Variants in KCTD8 observed in about 807,000 individuals in gnomAD.
KCTD8 encodes BTB/POZ domain-containing protein KCTD8.
KCTD8 carries 27 observed loss-of-function variants against 31.5 expected under a neutral mutation model. That is an observed-to-expected ratio of 0.86 (90% CI 0.63 to 1.18). The LOEUF (loss-of-function observed/expected upper bound fraction) is 1.18, where lower values mean the gene tolerates loss of function less well. Ranked by LOEUF, KCTD8 falls within the 50% of genes most tolerant of loss-of-function variation. The pLI, the probability that KCTD8 is intolerant of heterozygous loss-of-function variation, is 0.00. For missense variants in KCTD8, 658 were observed against 647.7 expected (o/e 1.02, Z -0.17); for synonymous variants, 290 against 280.0 (o/e 1.04, Z -0.36).
chr4:44,361,037 T>G (rs1441741015), intron 1 of KCTD8, among the ~76,000 whole-genome samples: 1 of 152,060 alleles, frequency 6.6e-6, no homozygotes, highest in African/African-American at 2.4e-5. Context: ...TATGCCATTA[T>G]GTTCACCTAA....
chr4:44,215,783 A>C lies in KCTD8; in HGVS notation c.962-40533T>G, dbSNP rs141696055. On this transcript the variant is annotated intron_variant, in intron 1 of 1. Transcript: ENST00000360029. ...TCTGGAAACTAGGGGACCAATGTTA[A>C]CCTGTCTAGTTCTCCTGAAAGAAAG... Among the ~76,000 whole-genome samples, 80 of 150,678 alleles carry C rather than the reference A, an allele frequency of 5.3e-4. 1 individual carries two copies. In the East Asian group the frequency reaches 0.014, roughly 27 times the overall value.
At chr4:44,233,676 G>C (rs1715187515) in intron 1 of KCTD8, among the ~76,000 whole-genome samples, 1 of 152,038 alleles carries the variant, frequency 6.6e-6, no homozygotes, top group African/African-American at 2.4e-5. Flanking sequence ...GTATCTTAGA[G>C]GGATATCAAA....
chr4:44,264,677 C>T (rs1271628368), intron 1 of KCTD8, among the ~76,000 whole-genome samples: 9 of 152,112 alleles, frequency 5.9e-5, no homozygotes, highest in African/African-American at 2.2e-4. Flanking sequence ...CGGGTCACTC[C>T]CCCCCGAATA....
intron 1 of KCTD8, among the ~76,000 whole-genome samples, chr4:44,262,472 A>G (rs1716208865): frequency 6.6e-6 from 1 of 152,088 alleles, no homozygotes; most frequent in Non-Finnish European, 1.5e-5. Flanking sequence ...ATATAAGGAC[A>G]TATCAATTAC....
intron 1 of KCTD8, among the ~76,000 whole-genome samples, chr4:44,287,863 T>C (rs1369066564): frequency 6.6e-6 from 1 of 152,206 alleles, no homozygotes; most frequent in Non-Finnish European, 1.5e-5. Context: ...ATTGAGTGTT[T>C]ATTATGTTTC....
intron 1 of KCTD8, among the ~76,000 whole-genome samples, chr4:44,296,061 T>C (rs1232931279): frequency 6.6e-6 from 1 of 152,174 alleles, no homozygotes; most frequent in Non-Finnish European, 1.5e-5. Flanking sequence ...ATCATATTTG[T>C]TTTTAACGTA....
intron 1 of KCTD8, among the ~76,000 whole-genome samples, chr4:44,220,864 A>AT (rs1375017305): frequency 6.6e-6 from 1 of 152,094 alleles, no homozygotes; most frequent in African/African-American, 2.4e-5. Flanking sequence ...TTATTTATTT[A>AT]TTTTTACCAT....
At chr4:44,322,628 G>T (rs189554914) in intron 1 of KCTD8, among the ~76,000 whole-genome samples, 2 of 151,934 alleles carry the variant, frequency 1.3e-5, no homozygotes, top group African/African-American at 2.4e-5. Context: ...TTGGTTGCTT[G>T]TGCTTTTGAG....
chr4:44,306,762 A>C (rs984353173), intron 1 of KCTD8, among the ~76,000 whole-genome samples: 5 of 151,962 alleles, frequency 3.3e-5, no homozygotes, highest in Admixed American at 1.3e-4. Flanking sequence ...AGGAAGGTAA[A>C]ATTTTATTAA....
At chr4:44,302,234 G>GT (rs1282846820) in intron 1 of KCTD8, among the ~76,000 whole-genome samples, 1 of 152,214 alleles carries the variant, frequency 6.6e-6, no homozygotes, top group Non-Finnish European at 1.5e-5. Flanking sequence ...CTTTAAAGTA[G>GT]TTTTTTCCAA....
intron 1 of KCTD8, among the ~76,000 whole-genome samples, chr4:44,196,984 A>T (rs895814721): frequency 6.6e-6 from 1 of 152,194 alleles, no homozygotes; most frequent in Non-Finnish European, 1.5e-5. Context: ...CTTCCAGCAC[A>T]GTGACTGAGC....
In KCTD8 at chr4:44,288,968, T is replaced by A. The variant is rs188627227; in HGVS notation, c.962-113718A>T. 2.6e-3 allele frequency among the ~76,000 whole-genome samples: 389 copies of A among 151,670 alleles called. 1 individual carries two copies. The highest frequency in any genetic ancestry group is 8.5e-3 in the African/African-American group (353 of 41,536). The stretch of plus-strand genomic sequence containing the variant: ...AAAAACAATAAAGGATTCAATTTTT[T>A]AAAAATGATACAGGTTAAAATATAT... On this transcript the variant is annotated intron_variant, in intron 1 of 1. Transcript: ENST00000360029.
chr4:44,398,048 G>A (rs1364996566), intron 1 of KCTD8, among the ~76,000 whole-genome samples: 1 of 152,060 alleles, frequency 6.6e-6, no homozygotes, highest in Non-Finnish European at 1.5e-5. Flanking sequence ...CTTTGATAGA[G>A]AATTGAAATA....
intron 1 of KCTD8, among the ~76,000 whole-genome samples, chr4:44,445,371 G>T (rs1178222563): frequency 1.3e-5 from 2 of 152,026 alleles, no homozygotes; most frequent in East Asian, 1.9e-4. Context: ...CCCAAAATAG[G>T]TTGCCTCCTT....
chr4:44,239,919 T>C (rs1269213661), intron 1 of KCTD8, among the ~76,000 whole-genome samples: 1 of 152,212 alleles, frequency 6.6e-6, no homozygotes, highest in Non-Finnish European at 1.5e-5. Context: ...TCTCTTGGTC[T>C]TGAGAATACT....
intron 1 of KCTD8, among the ~76,000 whole-genome samples, chr4:44,297,516 T>C (rs984994183): frequency 1.3e-5 from 2 of 149,284 alleles, no homozygotes; most frequent in South Asian, 2.1e-4. Context: ...TGTGCATCTT[T>C]TCTATTTTTA....
intron 1 of KCTD8, among the ~76,000 whole-genome samples, chr4:44,276,698 A>G (rs1716760126): frequency 1.3e-5 from 2 of 151,954 alleles, no homozygotes; most frequent in African/African-American, 4.8e-5. Context: ...AAGAAGTCAT[A>G]TTTTTGTTTG....
chr4:44,329,568 A>G (rs1434616930), intron 1 of KCTD8, among the ~76,000 whole-genome samples: 2 of 152,020 alleles, frequency 1.3e-5, no homozygotes, highest in Non-Finnish European at 2.9e-5. Flanking sequence ...CTCTATATAG[A>G]TGTAACACAT....
rs1489249115 is a variant in KCTD8, at chr4:44,401,362, G to T, written c.961+46201C>A. Among the ~76,000 whole-genome samples, 15 of 152,000 alleles carry T rather than the reference G, an allele frequency of 9.9e-5. No individual in the cohort carries two copies. The East Asian group carries it at 2.9e-3, about 29-fold the overall frequency. On this transcript the variant is annotated intron_variant, in intron 1 of 1. Transcript: ENST00000360029. Reference sequence around the variant, plus strand: ...TCATTGTTTTTAAGTATATTTCCCTGATGCGCATCTTCTTACAGCTGTCAC... The same window carrying T: ...TCATTGTTTTTAAGTATATTTCCCTTATGCGCATCTTCTTACAGCTGTCAC...
Sources: gnomAD v4.1 joint callset for allele counts (sites outside exome capture counted in the v4.1 genomes callset) on GRCh38, gnomAD v4.1.1 for gene constraint, MANE v1.5 for transcripts, NCBI Gene and HGNC (gene_info 2026-07-23, HGNC 2026-07-21) for gene names.